The following PTPRD variants were observed in gnomAD, a reference collection of about 807,000 sequenced individuals.
PTPRD encodes receptor-type tyrosine-protein phosphatase delta.
PTPRD carries 34 observed loss-of-function variants against 214.5 expected under a neutral mutation model. That is an observed-to-expected ratio of 0.16 (90% confidence interval 0.12 to 0.21). The LOEUF (loss-of-function observed/expected upper bound fraction) is 0.21. PTPRD is among the 10% of genes least tolerant of loss of function. The pLI is 1.00. For synonymous variants in PTPRD, 1,128 were observed against 845.7 expected (o/e 1.33, Z -5.79); for missense variants, 2,545 against 2,398.7 (o/e 1.06, Z -1.27).
chr9:10,363,486 A>G (rs1373331898), intron 2 of PTPRD, among the ~76,000 whole-genome samples: 2 of 152,224 alleles, frequency 1.3e-5, no homozygotes, highest in Non-Finnish European at 2.9e-5. Flanking sequence ...TGGAATTGTC[A>G]CATGTGATGT....
At chr9:9,540,448 G>T (rs1285976764) in intron 8 of PTPRD, among the ~76,000 whole-genome samples, 1 of 151,798 alleles carries the variant, frequency 6.6e-6, no homozygotes, top group Non-Finnish European at 1.5e-5. Context: ...ACAATGTACA[G>T]TAATGAAGTC....
chr9:8,538,803 G>C (rs1593126801), intron 14 of PTPRD, among the ~76,000 whole-genome samples: 2 of 151,760 alleles, frequency 1.3e-5, no homozygotes, highest in Admixed American at 1.3e-4. Flanking sequence ...CAGTAGCAAT[G>C]GTCACACCTT....
At chr9:9,177,396 AC>A (rs1776130762) in intron 10 of PTPRD, among the ~76,000 whole-genome samples, 1 of 152,148 alleles carries the variant, frequency 6.6e-6, no homozygotes, top group South Asian at 2.1e-4. Flanking sequence ...TAACCATATC[AC>A]GACCCTAATT....
intron 2 of PTPRD, among the ~76,000 whole-genome samples, chr9:10,533,919 T>A (rs930688152): frequency 7.3e-5 from 11 of 151,696 alleles, no homozygotes; most frequent in Non-Finnish European, 1.0e-4. Flanking sequence ...AAGTTTTTTT[T>A]AATTAAAATT....
chr9:10,385,801 C>G (rs1344786169), intron 2 of PTPRD, among the ~76,000 whole-genome samples: 1 of 151,718 alleles, frequency 6.6e-6, no homozygotes, highest in Non-Finnish European at 1.5e-5. Flanking sequence ...ATGAGATTCT[C>G]TGGTGAAAGG....
chr9:9,061,598 T>C (rs1330530313), intron 10 of PTPRD, among the ~76,000 whole-genome samples: 5 of 152,162 alleles, frequency 3.3e-5, no homozygotes, highest in African/African-American at 1.2e-4. Flanking sequence ...CCAGTTTGAC[T>C]ACCCCTAAAA....
Position 10,293,043 on chromosome 9 carries a change from G to T in PTPRD, c.-545+47920C>A, listed in dbSNP as rs1032364568. Reference sequence around the variant, plus strand: ...TCATAAACTGGACATATAAAGCAAAGAATAGGAACACTGTGAAGGAAGTTT... The same window carrying T: ...TCATAAACTGGACATATAAAGCAAATAATAGGAACACTGTGAAGGAAGTTT... On this transcript the variant is annotated intron_variant, in intron 3 of 45. Coordinates refer to ENST00000381196, the MANE Select transcript of PTPRD (RefSeq NM_002839.4). Among the ~76,000 whole-genome samples, 3 of 151,866 alleles carry T rather than the reference G, an allele frequency of 2.0e-5. No homozygotes were observed. The East Asian group carries it at 5.8e-4, about 29-fold the overall frequency.
intron 9 of PTPRD, among the ~76,000 whole-genome samples, chr9:9,305,120 C>A (rs770093649): frequency 6.6e-6 from 1 of 151,254 alleles, no homozygotes; most frequent in Non-Finnish European, 1.5e-5. Flanking sequence ...TCATCTTTAC[C>A]TCCTCTTTCT....
intron 3 of PTPRD, among the ~76,000 whole-genome samples, chr9:10,132,475 A>G (rs2098900948): frequency 6.6e-6 from 1 of 151,910 alleles, no homozygotes; most frequent in African/African-American, 2.4e-5. Flanking sequence ...GGAGATCCAA[A>G]TATACTGAAA....
chr9:10,559,971 C>G (rs1037297005), intron 2 of PTPRD, among the ~76,000 whole-genome samples: 1 of 152,130 alleles, frequency 6.6e-6, no homozygotes, highest in Non-Finnish European at 1.5e-5. Context: ...GGACCGTAAA[C>G]TAGTTCAATC....
At chr9:10,575,513 C>G (rs572137019) in intron 2 of PTPRD, among the ~76,000 whole-genome samples, 1 of 152,070 alleles carries the variant, frequency 6.6e-6, no homozygotes, top group Non-Finnish European at 1.5e-5. Flanking sequence ...TGTGCACATT[C>G]TCCTTGGTAA....
intron 14 of PTPRD, among the ~76,000 whole-genome samples, chr9:8,583,769 T>C (rs960915184): frequency 1.3e-5 from 2 of 152,202 alleles, no homozygotes; most frequent in Non-Finnish European, 2.9e-5. Flanking sequence ...TTTCATGTCC[T>C]TATTCTGAAG....
chr9:9,706,068 A>C (rs2097597957), intron 7 of PTPRD, among the ~76,000 whole-genome samples: 1 of 152,146 alleles, frequency 6.6e-6, no homozygotes, highest in South Asian at 2.1e-4. Context: ...AATCTAAGTA[A>C]CACGCATAAC....
intron 8 of PTPRD, among the ~76,000 whole-genome samples, chr9:9,552,472 C>A (rs74655608): frequency 0.017 from 2,517 of 152,162 alleles, 40 homozygotes; most frequent in Admixed American, 0.026. Context: ...ATAATTTTAA[C>A]TTCCTAAATG....
chr9:9,740,361 A>G (rs58503793), intron 6 of PTPRD, among the ~76,000 whole-genome samples: 6 of 145,600 alleles, frequency 4.1e-5, no homozygotes, highest in Admixed American at 1.4e-4. Flanking sequence ...TAAAACTACT[A>G]TTTTTTTTTT....
chr9:8,696,859 T>C (rs751484394), intron 12 of PTPRD, among the ~76,000 whole-genome samples: 2 of 152,184 alleles, frequency 1.3e-5, no homozygotes, highest in South Asian at 2.1e-4. Flanking sequence ...TTCCCTTTCT[T>C]AGTATTCCTG....
intron 2 of PTPRD, among the ~76,000 whole-genome samples, chr9:10,346,346 A>G (rs541828714): frequency 1.3e-5 from 2 of 152,296 alleles, no homozygotes; most frequent in Non-Finnish European, 2.9e-5. Context: ...TTCATGTTTT[A>G]AATGCCTTAA....
At chr9:8,931,662 G>T (rs191603428) in intron 11 of PTPRD, among the ~76,000 whole-genome samples, 15 of 152,022 alleles carry the variant, frequency 9.9e-5, no homozygotes, top group Admixed American at 9.8e-4. Flanking sequence ...TACGTATCAC[G>T]ATGATGCATG....
intron 7 of PTPRD, among the ~76,000 whole-genome samples, chr9:9,594,673 C>T (rs560404917): frequency 2.6e-5 from 4 of 152,094 alleles, no homozygotes; most frequent in Admixed American, 2.0e-4. Context: ...TGACTATGGC[C>T]TTATAGTATA....
Sources: gnomAD v4.1 joint callset for allele counts (sites outside exome capture counted in the v4.1 genomes callset) on GRCh38, gnomAD v4.1.1 for gene constraint, MANE v1.5 for transcripts, NCBI Gene and HGNC (gene_info 2026-07-23, HGNC 2026-07-21) for gene names.